Variants in ZFP1 observed in about 807,000 individuals in gnomAD.
The protein encoded by ZFP1 is zinc finger protein 1 homolog.
In ZFP1, 32 loss-of-function variants were observed where a neutral mutation model predicts 38.5. The observed-to-expected ratio is 0.83, with a 90% CI of 0.63 to 1.12. ZFP1 has a LOEUF of 1.12. Ranked by LOEUF, ZFP1 falls within the 50% of genes most tolerant of loss-of-function variation. The probability of loss-of-function intolerance (pLI) is 0.00; values close to 1 mark genes in which losing one functional copy is unlikely to be tolerated. For synonymous variants in ZFP1, 245 were observed against 168.8 expected (o/e 1.45, Z -3.50); for missense variants, 616 against 480.8 (o/e 1.28, Z -2.63).
chr16:75,171,316 G>C lies in ZFP1; in HGVS notation c.*982G>C, dbSNP rs1016527589. The C allele has an allele frequency of 1.3e-5, 2 of 152,070 alleles. No homozygotes were observed. The highest frequency in any genetic ancestry group is 2.9e-5 in the Non-Finnish European group (2 of 68,018). The allele number at this position is 152,070 out of a possible 1,614,324, so 9.4% of individuals were successfully genotyped here. ...CAAATGTTACATTTCAGAGACTTTA[G>C]AGGAAAAATTATTTTAAATAACTGT... On this transcript the variant is annotated 3_prime_UTR_variant, in exon 4 of 4. Transcript: ENST00000570010.
At chr16:75,148,983 A>G (rs1035613130) in intron 1 of ZFP1, 14 of 150,440 alleles carry the variant, frequency 9.3e-5, no homozygotes, top group African/African-American at 3.2e-4. Flanking sequence ...CGCGCGCGGG[A>G]CGAGGCCCCG....
At chr16:75,140,281 A>T in the ZFP1 span, among the ~76,000 whole-genome samples, 1 of 145,754 alleles carries the variant, frequency 6.9e-6, no homozygotes, top group South Asian at 2.1e-4. Context: ...AAAAAAAAAA[A>T]GTTGAGGCCA....
At chr16:75,123,166 C>T in the ZFP1 span, among the ~76,000 whole-genome samples, 5 of 151,332 alleles carry the variant, frequency 3.3e-5, no homozygotes, top group Non-Finnish European at 7.4e-5. Flanking sequence ...CCAGCCTGGC[C>T]AACATGGTGA....
the ZFP1 span, among the ~76,000 whole-genome samples, chr16:75,121,313 G>C: frequency 6.6e-6 from 1 of 151,658 alleles, no homozygotes; most frequent in Non-Finnish European, 1.5e-5. Flanking sequence ...TTTTAATAGA[G>C]ACGGGGTTTC....
the ZFP1 span, among the ~76,000 whole-genome samples, chr16:75,141,744 A>T: frequency 2.0e-4 from 13 of 65,804 alleles, no homozygotes; most frequent in African/African-American, 3.4e-4. Flanking sequence ...AATTAATTTA[A>T]AAAAAAAAAA....
At chr16:75,153,945 A>T (rs2037340033) in intron 2 of ZFP1, among the ~76,000 whole-genome samples, 1 of 152,226 alleles carries the variant, frequency 6.6e-6, no homozygotes, top group Non-Finnish European at 1.5e-5. Context: ...AGTTGGATTC[A>T]TGCAGTAGGT....
chr16:75,170,094 A>G lies in ZFP1; in HGVS notation c.984A>G (p.Glu328=). Residue 328 remains glutamate (E), a synonymous_variant, in exon 4 of 4, where the codon GAA becomes GAG. Coordinates refer to ENST00000570010, the MANE Select transcript of ZFP1 (RefSeq NM_153688.4). ...GGGAGAAACGCTATGAGTGCAGTGAATGTGGAAAATCCTTTATCCAGAACT... is the reference window on the plus strand; with the variant it reads ...GGGAGAAACGCTATGAGTGCAGTGAGTGTGGAAAATCCTTTATCCAGAACT... ...HTGEKRYECS[E]CGKSFIQNSQ... is the part of the protein sequence containing the mutation. The G allele has an allele frequency of 6.2e-7, 1 of 1,614,116 alleles. No homozygotes were observed. The highest frequency in any genetic ancestry group is 1.7e-4 in the Middle Eastern group (1 of 6,060).
chr16:75,169,508 A>C lies in ZFP1; in HGVS notation c.398A>C (p.Glu133Ala). ...NRSYAGKQTDECNEFGKALLY... is the reference protein window; with the variant it reads ...NRSYAGKQTDACNEFGKALLY... ...AGCTATGCAGGAAAGCAGACTGATG[A>C]GTGTAATGAATTTGGAAAAGCACTT... is the stretch of plus-strand genomic sequence containing the variant. The change falls in exon 4 of 4, where the codon GAG (glutamate) becomes GCG (alanine). Residue 133 changes from glutamate (E) to alanine (A), a missense_variant. Coordinates refer to ENST00000570010, the MANE Select transcript of ZFP1 (RefSeq NM_153688.4). 6.2e-7 allele frequency: 1 copy of C among 1,613,272 alleles called. No individual in the cohort carries two copies. Among genetic ancestry groups the C allele is most frequent in the Non-Finnish European group, 8.5e-7 (1 of 1,179,858 alleles).
the ZFP1 span, among the ~76,000 whole-genome samples, chr16:75,120,994 TA>T: frequency 3.9e-5 from 6 of 152,162 alleles, no homozygotes; most frequent in African/African-American, 1.4e-4. Flanking sequence ...AGAAGTTTTT[TA>T]AAAAGTGCAC....
At chr16:75,161,757 AATATAT>A (rs1338490455) in intron 2 of ZFP1, among the ~76,000 whole-genome samples, 17 of 14,302 alleles carry the variant, frequency 1.2e-3, no homozygotes, top group African/African-American at 2.1e-3. Context: ...AGTTTTATGA[AATATAT>A]ATATATATAT....
rs572026049 is a variant in ZFP1 at position 75,170,007 on chromosome 16, C to G, written c.897C>G (p.Asn299Lys). 3.7e-6 allele frequency: 6 copies of G among 1,614,034 alleles called. No homozygotes were observed. The highest frequency in any genetic ancestry group is 3.4e-6 in the Non-Finnish European group (4 of 1,180,002). Residue 299 changes from asparagine to lysine, a missense_variant, in exon 4 of 4, where the codon AAC becomes AAG. Coordinates refer to ENST00000570010, the MANE Select transcript of ZFP1 (RefSeq NM_153688.4). ...IHTGERPYECNECAKTFFKKS... is the reference protein window; with the variant it reads ...IHTGERPYECKECAKTFFKKS... ...CAGGAGAGCGACCCTATGAGTGTAACGAATGTGCAAAAACCTTCTTTAAGA... is the reference window on the plus strand; with the variant it reads ...CAGGAGAGCGACCCTATGAGTGTAAGGAATGTGCAAAAACCTTCTTTAAGA...
At chr16:75,161,775 T>TATATATATATA (rs59261786) in intron 2 of ZFP1, among the ~76,000 whole-genome samples, 10 of 6,254 alleles carry the variant, frequency 1.6e-3, no homozygotes, top group South Asian at 4.6e-3. Context: ...TATATATATA[T>TATATATATATA]TTTTTTTTTT....
the ZFP1 span, among the ~76,000 whole-genome samples, chr16:75,135,364 T>G: frequency 6.6e-6 from 1 of 152,058 alleles, no homozygotes; most frequent in East Asian, 1.9e-4. Flanking sequence ...AGAGGAACCT[T>G]AAATGCATAT....
At chr16:75,165,541 C>T (rs994172987) in intron 2 of ZFP1, among the ~76,000 whole-genome samples, 2 of 151,970 alleles carry the variant, frequency 1.3e-5, no homozygotes, top group African/African-American at 4.8e-5. Flanking sequence ...ATTACAGGCG[C>T]CCTCTACCAC....
the ZFP1 span, among the ~76,000 whole-genome samples, chr16:75,138,781 C>T: frequency 1.3e-5 from 2 of 152,192 alleles, no homozygotes; most frequent in Admixed American, 6.5e-5. Context: ...CTGCCCCCTG[C>T]GGCTTTCAGC....
chr16:75,123,548 C>G, the ZFP1 span, among the ~76,000 whole-genome samples: 63 of 140,564 alleles, frequency 4.5e-4, no homozygotes, highest in African/African-American at 1.6e-3. Flanking sequence ...CCTCTGTCAC[C>G]CAGGCTGGAG....
the ZFP1 span, among the ~76,000 whole-genome samples, chr16:75,128,825 G>C: frequency 1.3e-4 from 20 of 152,124 alleles, no homozygotes; most frequent in African/African-American, 4.8e-4. Flanking sequence ...TTTGCTCTTT[G>C]TGTTGCCCAG....
At chr16:75,141,615 T>C in the ZFP1 span, among the ~76,000 whole-genome samples, 1 of 152,162 alleles carries the variant, frequency 6.6e-6, no homozygotes, top group African/African-American at 2.4e-5. Flanking sequence ...CTGTGTGTAG[T>C]GGCTCACGCC....
At chr16:75,119,163 T>C in the ZFP1 span, among the ~76,000 whole-genome samples, 2 of 152,172 alleles carry the variant, frequency 1.3e-5, no homozygotes, top group African/African-American at 2.4e-5. Context: ...ACTTTCTAAA[T>C]TAACTGAGAC....
Sources: allele counts gnomAD v4.1 joint callset (sites outside exome capture counted in the v4.1 genomes callset), GRCh38; gene constraint gnomAD v4.1.1; transcripts MANE v1.5; gene names NCBI Gene and HGNC (gene_info 2026-07-23, HGNC 2026-07-21).